TBC1D5: variants seen among roughly 807,000 people sequenced by gnomAD.
The protein encoded by TBC1D5 is TBC1 domain family, member 5.
Under a neutral mutation model 100.3 loss-of-function variants are expected in TBC1D5, and 75 were observed. The ratio of observed to expected loss-of-function variants is 0.75; its 90% CI spans 0.62 to 0.91. The LOEUF (loss-of-function observed/expected upper bound fraction) is 0.91. Ranked by LOEUF, TBC1D5 falls within the 40% of genes least tolerant of loss-of-function variation. TBC1D5 has a pLI of 0.00. For missense variants in TBC1D5, 910 were observed against 942.4 expected (o/e 0.97, Z 0.45); for synonymous variants, 323 against 325.6 (o/e 0.99, Z 0.09).
Position 17,167,913 on chromosome 3 carries a change from G to C in TBC1D5, c.1853-85C>G, listed in dbSNP as rs939161928. On this transcript the variant is annotated intron_variant, in intron 19 of 21. Transcript: ENST00000253692. ...ACATCATAACTTCAGACGGGCTTGG[G>C]AAGTTTTCTGCCAAATCTCACAGCA... 8 of 959,796 alleles carry C rather than the reference G, an allele frequency of 8.3e-6. 1 individual carries two copies. The highest frequency in any genetic ancestry group is 1.2e-5 in the Non-Finnish European group (8 of 648,012). 59.5% of individuals were successfully genotyped at this position (959,796 alleles called of 1,614,324 possible).
In TBC1D5 at chr3:17,164,171, T is replaced by C. The variant is rs546264740; in HGVS notation, c.2094+2596A>G. On this transcript the variant is annotated intron_variant, in intron 21 of 21. Coordinates refer to ENST00000253692, the Ensembl canonical transcript of TBC1D5. Reference sequence around the variant, plus strand: ...CAAACAGAAAGAACACTATGAGCCATGTCACATCAACCTCACAGTGAGGAG... The same window carrying C: ...CAAACAGAAAGAACACTATGAGCCACGTCACATCAACCTCACAGTGAGGAG... Among the ~76,000 whole-genome samples the C allele has an allele frequency of 3.3e-5, 5 of 152,298 alleles. No individual in the cohort carries two copies. In the South Asian group the frequency reaches 1.0e-3, roughly 32 times the overall value.
upstream of TBC1D5, among the ~76,000 whole-genome samples, chr3:17,742,310 A>AGGCGGC (rs1483635612): frequency 2.0e-5 from 3 of 152,060 alleles, no homozygotes; most frequent in Admixed American, 6.5e-5. Context: ...TCCCGTGAGA[A>AGGCGGC]GGCGGCGGCG....
In TBC1D5 at chr3:17,717,369, T is replaced by C. The variant is rs187469119; in HGVS notation, c.-101+21974A>G. 1.0e-3 allele frequency among the ~76,000 whole-genome samples: 154 copies of C among 152,298 alleles called. 2 individuals carry two copies. The South Asian group carries it at 0.018, about 18-fold the overall frequency. On this transcript the variant is annotated intron_variant, in intron 1 of 21. Transcript: ENST00000253692. ...CACATTAACATAAATAATATTTGCG[T>C]AACTATAATGAGAGCTTTACTCAGC...
At chr3:17,509,706 G>A (rs1465656495) in intron 2 of TBC1D5, among the ~76,000 whole-genome samples, 2 of 152,016 alleles carry the variant, frequency 1.3e-5, no homozygotes, top group Non-Finnish European at 2.9e-5. Flanking sequence ...TTCTCAAAGT[G>A]TATCTGTCTT....
At chr3:17,260,846 ATAT>A (rs1277355683) in intron 15 of TBC1D5, among the ~76,000 whole-genome samples, 2 of 152,242 alleles carry the variant, frequency 1.3e-5, no homozygotes, top group East Asian at 1.9e-4. Flanking sequence ...TATATCTAAA[ATAT>A]TATGATTTTA....
At chr3:17,159,956 G>C (rs1178654569) in exon 22 of TBC1D5, 1 of 152,236 alleles carries the variant, frequency 6.6e-6, no homozygotes, top group Non-Finnish European at 1.5e-5. Context: ...GAGGGATTCT[G>C]ACTTTGGGTG....
chr3:17,343,363 G>T (rs887490030), intron 13 of TBC1D5, among the ~76,000 whole-genome samples: 3 of 151,898 alleles, frequency 2.0e-5, no homozygotes, highest in Non-Finnish European at 4.4e-5. Flanking sequence ...GCTGGATTCG[G>T]TTTGCCAGTA....
At chr3:17,644,111 G>C (rs534392878) in intron 1 of TBC1D5, 1 of 152,146 alleles carries the variant, frequency 6.6e-6, no homozygotes, top group Admixed American at 6.6e-5. Context: ...TCCTATGACA[G>C]GATGAGGACC....
intron 14 of TBC1D5, among the ~76,000 whole-genome samples, chr3:17,300,820 C>T (rs1287011731): frequency 6.6e-6 from 1 of 151,848 alleles, no homozygotes; most frequent in African/African-American, 2.4e-5. Context: ...GCCTGTAATC[C>T]CAGCACTTCG....
chr3:17,418,414 C>A (rs2094134862), intron 4 of TBC1D5, among the ~76,000 whole-genome samples: 3 of 151,938 alleles, frequency 2.0e-5, no homozygotes, highest in Admixed American at 2.0e-4. Context: ...TCAAGACCAG[C>A]CTGGCCAACA....
rs561807036 is a variant in TBC1D5 at position 17,502,560 on chromosome 3, C to T, written c.97+5914G>A. 2.0e-5 allele frequency among the ~76,000 whole-genome samples: 3 copies of T among 149,464 alleles called. No homozygotes were observed. In the East Asian group the frequency reaches 5.8e-4, roughly 29 times the overall value. ...TATTATGAGGTAATCACAATCATTG[C>T]CATTGTTTTTGCTACCATACTTAAG... is the stretch of plus-strand genomic sequence containing the variant. On this transcript the variant is annotated intron_variant, in intron 3 of 21. Coordinates refer to ENST00000253692, the Ensembl canonical transcript of TBC1D5.
At chr3:17,702,541 A>G (rs1216073672) in intron 1 of TBC1D5, among the ~76,000 whole-genome samples, 1 of 152,176 alleles carries the variant, frequency 6.6e-6, no homozygotes, top group Non-Finnish European at 1.5e-5. Flanking sequence ...TAACAATGTA[A>G]AGAGAAAAAG....
Position 17,173,658 on chromosome 3 carries a change from T to C in TBC1D5, c.1853-5830A>G, listed in dbSNP as rs75402134. On this transcript the variant is annotated intron_variant, in intron 19 of 21. Coordinates refer to ENST00000253692, the Ensembl canonical transcript of TBC1D5. Reference sequence around the variant, plus strand: ...TATTATTGCCTACTATGTTTCCTCCTCCCTTGGTACCTTAAATATTCAGAT... The same window carrying C: ...TATTATTGCCTACTATGTTTCCTCCCCCCTTGGTACCTTAAATATTCAGAT... Among the ~76,000 whole-genome samples, 1,210 of 152,324 alleles carry C rather than the reference T, an allele frequency of 7.9e-3. 17 individuals carry two copies. Among genetic ancestry groups the C allele is most frequent in the African/African-American group, 0.028 (1,146 of 41,568 alleles).
At chr3:17,598,312 T>C (rs1368337210) in intron 2 of TBC1D5, among the ~76,000 whole-genome samples, 2 of 152,188 alleles carry the variant, frequency 1.3e-5, no homozygotes, top group Admixed American at 6.5e-5. Flanking sequence ...GTATATTTTA[T>C]ATTAAAGGAT....
intron 1 of TBC1D5, among the ~76,000 whole-genome samples, chr3:17,669,451 A>G (rs2153777518): frequency 6.6e-6 from 1 of 152,314 alleles, no homozygotes; most frequent in Admixed American, 6.5e-5. Flanking sequence ...TAAATCTTCA[A>G]TAAATGATAG....
At chr3:17,388,812 G>T (rs2093258033) in intron 8 of TBC1D5, among the ~76,000 whole-genome samples, 1 of 152,020 alleles carries the variant, frequency 6.6e-6, no homozygotes, top group African/African-American at 2.4e-5. Flanking sequence ...GCAGTGGGCT[G>T]TGTTTGTGCC....
intron 1 of TBC1D5, among the ~76,000 whole-genome samples, chr3:17,651,392 A>T (rs766302587): frequency 1.5e-4 from 23 of 152,222 alleles, no homozygotes; most frequent in Non-Finnish European, 2.5e-4. Context: ...CATCAGACCT[A>T]TATTAATGTA....
At chr3:17,626,635 A>G (rs1324557008) in intron 1 of TBC1D5, among the ~76,000 whole-genome samples, 1 of 152,188 alleles carries the variant, frequency 6.6e-6, no homozygotes. Flanking sequence ...TTGCAGAAAG[A>G]CTTCACAGAG....
intron 3 of TBC1D5, among the ~76,000 whole-genome samples, chr3:17,474,544 A>G (rs956065631): frequency 3.2e-4 from 48 of 152,286 alleles, no homozygotes; most frequent in African/African-American, 1.1e-3. Flanking sequence ...ATTCAAAAGT[A>G]AAAGAAATGA....
Sources: allele counts gnomAD v4.1 joint callset (sites outside exome capture counted in the v4.1 genomes callset), GRCh38; gene constraint gnomAD v4.1.1; transcripts MANE v1.5; gene names NCBI Gene and HGNC (gene_info 2026-07-23, HGNC 2026-07-21).